The following GADL1 variants were observed in gnomAD, a reference collection of about 807,000 sequenced individuals.
GADL1 encodes the protein GAD like acidic amino acid decarboxylase 1.
In GADL1, 71 loss-of-function variants were observed where a neutral mutation model predicts 69.5. That is an observed-to-expected ratio of 1.02 (90% CI 0.84 to 1.25). The LOEUF is 1.25. GADL1 is among the 50% of genes most tolerant of loss of function. The pLI is 0.00. For missense variants in GADL1, 737 were observed against 631.8 expected (o/e 1.17, Z -1.79); for synonymous variants, 254 against 214.4 (o/e 1.18, Z -1.62).
chr3:30,734,350 A>G (rs957781755), intron 14 of GADL1, among the ~76,000 whole-genome samples: 3 of 152,238 alleles, frequency 2.0e-5, no homozygotes, highest in African/African-American at 7.2e-5. Context: ...GAATATTCTT[A>G]TCTCTGAACT....
intron 14 of GADL1, among the ~76,000 whole-genome samples, chr3:30,760,965 A>G (rs1475718964): frequency 7.8e-6 from 1 of 128,988 alleles, no homozygotes; most frequent in Admixed American, 8.0e-5. Context: ...TAAAAAATCA[A>G]TGGCTAATAA....
chr3:30,792,085 C>G (rs535598580), intron 12 of GADL1, among the ~76,000 whole-genome samples: 1 of 152,246 alleles, frequency 6.6e-6, no homozygotes, highest in African/African-American at 2.4e-5. Flanking sequence ...AACACTCCAG[C>G]TGAGTTGAAA....
chr3:30,792,226 A>G (rs1287971028), intron 12 of GADL1, among the ~76,000 whole-genome samples: 1 of 152,208 alleles, frequency 6.6e-6, no homozygotes, highest in Non-Finnish European at 1.5e-5. Flanking sequence ...CCACTATCAA[A>G]TAAGTTTGAA....
In GADL1 at chr3:30,850,927, A is replaced by T. The variant is rs575102746; in HGVS notation, c.443T>A (p.Val148Glu). 1 of 1,537,860 alleles carries T rather than the reference A, an allele frequency of 6.5e-7. No individual in the cohort carries two copies. Among genetic ancestry groups the T allele is most frequent in the South Asian group, 1.2e-5 (1 of 83,686 alleles). The part of the protein sequence containing the change: ...ALNPSVYTYE[V>E]SPVFLLVEEA... ...TTCCACTAACAGAAACACTGGGGAC[A>T]CCTCATACGTATAACTAGATAGATA... Residue 148 changes from valine to glutamate, a missense_variant, in exon 5 of 15, where the codon GTG becomes GAG. By Grantham distance (121) the Val-to-Glu change is moderately radical. Transcript: ENST00000282538.
chr3:30,810,925 T>C (rs1695557538), intron 11 of GADL1, among the ~76,000 whole-genome samples: 2 of 152,186 alleles, frequency 1.3e-5, no homozygotes, highest in South Asian at 2.1e-4. Context: ...TTCTTGATAG[T>C]GGTTTACGCA....
chr3:30,874,455 T>C (rs1175559902), intron 1 of GADL1, among the ~76,000 whole-genome samples: 2 of 152,084 alleles, frequency 1.3e-5, no homozygotes, highest in South Asian at 2.1e-4. Context: ...CCATCTAGGA[T>C]ATGGGCCAAG....
At chr3:30,794,139 A>G (rs1696978195) in intron 12 of GADL1, among the ~76,000 whole-genome samples, 1 of 152,188 alleles carries the variant, frequency 6.6e-6, no homozygotes, top group South Asian at 2.1e-4. Flanking sequence ...GTAACTGCTC[A>G]CCTTTTCCAT....
At chr3:30,831,830 G>C (rs1393557033) in intron 11 of GADL1, among the ~76,000 whole-genome samples, 1 of 151,926 alleles carries the variant, frequency 6.6e-6, no homozygotes, top group Non-Finnish European at 1.5e-5. Context: ...AGAGAAGGAG[G>C]CTGGAATGCC....
chr3:30,771,467 T>C lies in GADL1; in HGVS notation c.1392+6712A>G, dbSNP rs952047408. 5.3e-5 allele frequency among the ~76,000 whole-genome samples: 8 copies of C among 152,356 alleles called. No individual in the cohort carries two copies. The East Asian group carries it at 1.5e-3, about 29-fold the overall frequency. On this transcript the variant is annotated intron_variant, in intron 14 of 14. Coordinates refer to ENST00000282538, the MANE Select transcript of GADL1 (RefSeq NM_207359.3). ...AGTTAAGCATTCTTGAAATCTACAA[T>C]GCCAGCCACTATCCAAGTAAGGGGA...
intron 1 of GADL1, among the ~76,000 whole-genome samples, chr3:30,866,403 G>A: frequency 6.6e-6 from 1 of 152,092 alleles, no homozygotes; most frequent in Non-Finnish European, 1.5e-5. Flanking sequence ...AGGTTGCAGT[G>A]AGCCAAGATC....
chr3:30,803,680 G>A (rs1017652590), intron 11 of GADL1, among the ~76,000 whole-genome samples: 1 of 152,074 alleles, frequency 6.6e-6, no homozygotes, highest in Non-Finnish European at 1.5e-5. Flanking sequence ...GCCTTGGGAA[G>A]GTTTCCTAAA....
At chr3:30,732,631 C>T (rs966953542) in intron 14 of GADL1, among the ~76,000 whole-genome samples, 5 of 152,018 alleles carry the variant, frequency 3.3e-5, no homozygotes, top group African/African-American at 1.2e-4. Flanking sequence ...CAGGGCAATT[C>T]GATAAAAAGC....
intron 14 of GADL1, among the ~76,000 whole-genome samples, chr3:30,736,527 G>A (rs562380052): frequency 9.2e-5 from 14 of 151,910 alleles, no homozygotes; most frequent in Non-Finnish European, 1.9e-4. Context: ...TTACACTCCC[G>A]CTTGGACTTT....
intron 1 of GADL1, among the ~76,000 whole-genome samples, chr3:30,862,855 A>C (rs1384950230): frequency 6.6e-6 from 1 of 152,012 alleles, no homozygotes; most frequent in African/African-American, 2.4e-5. Context: ...TATGAACTAG[A>C]TTACAAAGTT....
At chr3:30,753,881 C>G (rs776525609) in intron 14 of GADL1, among the ~76,000 whole-genome samples, 3 of 152,064 alleles carry the variant, frequency 2.0e-5, no homozygotes, top group African/African-American at 7.2e-5. Context: ...TTTAGTGGAC[C>G]CTGCAAATGA....
At chr3:30,858,251 G>A (rs1324911291) in intron 2 of GADL1, among the ~76,000 whole-genome samples, 1 of 151,994 alleles carries the variant, frequency 6.6e-6, no homozygotes, top group Admixed American at 6.6e-5. Flanking sequence ...AGATAAGCAA[G>A]GCTCAGATCA....
intron 4 of GADL1, among the ~76,000 whole-genome samples, chr3:30,851,419 C>A: frequency 6.6e-6 from 1 of 152,164 alleles, no homozygotes; most frequent in East Asian, 1.9e-4. Context: ...AGGGCTTCCT[C>A]TACTACACTC....
intron 1 of GADL1, among the ~76,000 whole-genome samples, chr3:30,878,316 C>T (rs1698602994): frequency 6.6e-6 from 1 of 151,880 alleles, no homozygotes; most frequent in African/African-American, 2.4e-5. Context: ...CTTATTAGTG[C>T]TCTTCAGAAC....
chr3:30,874,048 G>C (rs1575244150), intron 1 of GADL1, among the ~76,000 whole-genome samples: 1 of 151,930 alleles, frequency 6.6e-6, no homozygotes, highest in African/African-American at 2.4e-5. Context: ...CTGCCTTCTA[G>C]GGAGGGAGGA....
Sources: allele counts gnomAD v4.1 joint callset (sites outside exome capture counted in the v4.1 genomes callset), GRCh38; gene constraint gnomAD v4.1.1; transcripts MANE v1.5; gene names NCBI Gene and HGNC (gene_info 2026-07-23, HGNC 2026-07-21).